The following FHIT variants were observed in gnomAD, a reference collection of about 807,000 sequenced individuals.
FHIT encodes the protein fragile histidine triad diadenosine triphosphatase, also known as bis(5'-adenosyl)-triphosphatase.
In FHIT, 19 loss-of-function variants were observed where a neutral mutation model predicts 17.9. That is an observed-to-expected ratio of 1.06 (90% confidence interval 0.74 to 1.56). FHIT has a LOEUF of 1.56. FHIT is among the 40% of genes most tolerant of loss of function. The pLI is 0.00. For missense variants in FHIT, 248 were observed against 189.2 expected, an observed-to-expected ratio of 1.31 and a Z score of -1.82; for synonymous variants, 81 against 69.7, an observed-to-expected ratio of 1.16 and a Z score of -0.81.
At chr3:60,537,502 T>G in intron 4 of FHIT, 1 of 972,734 alleles carries the variant, frequency 1.0e-6, no homozygotes, top group Non-Finnish European at 1.2e-6. Context: ...AGAGAACTAT[T>G]CTAGTAAAAT....
chr3:59,759,242 G>C (rs1421948348), intron 8 of FHIT, among the ~76,000 whole-genome samples: 1 of 152,050 alleles, frequency 6.6e-6, no homozygotes. Context: ...TGTGGGCAGG[G>C]CTGAGAAGTT....
chr3:60,228,877 C>T (rs934750837), intron 5 of FHIT, among the ~76,000 whole-genome samples: 3 of 152,160 alleles, frequency 2.0e-5, no homozygotes, highest in African/African-American at 7.2e-5. Flanking sequence ...GTAATCCCCA[C>T]AATAGTTCTA....
intron 5 of FHIT, among the ~76,000 whole-genome samples, chr3:60,385,721 A>C (rs1700981089): frequency 6.6e-6 from 1 of 152,112 alleles, no homozygotes; most frequent in South Asian, 2.1e-4. Context: ...CTGGGAATAA[A>C]GGCATGCACC....
At chr3:60,268,552 T>C (rs1318688152) in intron 5 of FHIT, among the ~76,000 whole-genome samples, 1 of 152,200 alleles carries the variant, frequency 6.6e-6, no homozygotes, top group African/African-American at 2.4e-5. Flanking sequence ...AAGGGAAATT[T>C]TGAGACAGAG....
chr3:61,243,015 G>T (rs1477753753), intron 1 of FHIT, among the ~76,000 whole-genome samples: 1 of 152,146 alleles, frequency 6.6e-6, no homozygotes, highest in African/African-American at 2.4e-5. Flanking sequence ...GTTAGTCCTA[G>T]GGGGTTTGGG....
intron 5 of FHIT, among the ~76,000 whole-genome samples, chr3:60,072,503 T>C (rs1332165859): frequency 1.3e-5 from 2 of 152,212 alleles, no homozygotes; most frequent in East Asian, 1.9e-4. Flanking sequence ...TAAGAGCCTG[T>C]GCATGCTTAC....
intron 5 of FHIT, among the ~76,000 whole-genome samples, chr3:60,018,220 C>A (rs936256438): frequency 5.9e-5 from 9 of 152,048 alleles, no homozygotes; most frequent in Non-Finnish European, 1.2e-4. Context: ...GGTGCCAGAC[C>A]CTTTTCAACA....
At chr3:60,787,707 C>T (rs1261154585) in intron 4 of FHIT, among the ~76,000 whole-genome samples, 1 of 152,194 alleles carries the variant, frequency 6.6e-6, no homozygotes, top group African/African-American at 2.4e-5. Flanking sequence ...CGATACTTGC[C>T]ACATTTCTGT....
intron 5 of FHIT, among the ~76,000 whole-genome samples, chr3:60,056,918 C>A (rs371458777): frequency 6.6e-6 from 1 of 152,080 alleles, no homozygotes; most frequent in Non-Finnish European, 1.5e-5. Context: ...ACAGATGGAG[C>A]GGTAATGGTC....
intron 8 of FHIT, among the ~76,000 whole-genome samples, chr3:59,901,073 T>C (rs545931739): frequency 1.9e-4 from 29 of 152,364 alleles, no homozygotes; most frequent in African/African-American, 6.7e-4. Flanking sequence ...TATGCTTTTG[T>C]TTCTGTTCTC....
chr3:60,380,648 C>G (rs890678491), intron 5 of FHIT, among the ~76,000 whole-genome samples: 1 of 152,152 alleles, frequency 6.6e-6, no homozygotes, highest in Admixed American at 6.5e-5. Context: ...TCTCCGTACA[C>G]GTCCAAGTTT....
At chr3:60,926,367 C>A (rs1256391922) in intron 3 of FHIT, among the ~76,000 whole-genome samples, 4 of 152,214 alleles carry the variant, frequency 2.6e-5, no homozygotes, top group African/African-American at 9.6e-5. Context: ...TCTCAGATCA[C>A]AGTGCAATCA....
intron 3 of FHIT, among the ~76,000 whole-genome samples, chr3:61,040,996 C>A (rs769792948): frequency 6.6e-6 from 1 of 152,148 alleles, no homozygotes; most frequent in Admixed American, 6.5e-5. Flanking sequence ...CCTAGGACAT[C>A]CCCTCTCTGC....
intron 5 of FHIT, among the ~76,000 whole-genome samples, chr3:60,119,679 T>C (rs1440255197): frequency 1.3e-5 from 2 of 152,180 alleles, no homozygotes; most frequent in East Asian, 1.9e-4. Flanking sequence ...TGTTGGCATA[T>C]ACTTGCCTCC....
At chr3:61,181,577 T>A (rs2038344052) in intron 2 of FHIT, among the ~76,000 whole-genome samples, 1 of 152,156 alleles carries the variant, frequency 6.6e-6, no homozygotes, top group Admixed American at 6.5e-5. Flanking sequence ...TTCATTTAAT[T>A]CCAGCATCAC....
chr3:60,638,984 T>C (rs1218309010), intron 4 of FHIT, among the ~76,000 whole-genome samples: 6 of 147,266 alleles, frequency 4.1e-5, no homozygotes, highest in African/African-American at 1.5e-4. Flanking sequence ...CTGCAGAAAG[T>C]AATTGTGATA....
intron 5 of FHIT, among the ~76,000 whole-genome samples, chr3:60,502,283 C>G (rs1169404215): frequency 6.6e-6 from 1 of 152,018 alleles, no homozygotes; most frequent in South Asian, 2.1e-4. Context: ...GAAAGCTGGC[C>G]AAAAGTCATT....
At chr3:60,885,559 A>C (rs1390390293) in intron 3 of FHIT, among the ~76,000 whole-genome samples, 6 of 152,158 alleles carry the variant, frequency 3.9e-5, no homozygotes, top group African/African-American at 1.4e-4. Context: ...ATTGTTTAAC[A>C]GTTACTCTTA....
At chr3:60,366,326 T>C (rs1700105570) in intron 5 of FHIT, among the ~76,000 whole-genome samples, 1 of 152,152 alleles carries the variant, frequency 6.6e-6, no homozygotes, top group Non-Finnish European at 1.5e-5. Context: ...GGTTTCACCA[T>C]GTTGGCCAGG....
Sources: gnomAD v4.1 joint callset for allele counts (sites outside exome capture counted in the v4.1 genomes callset) on GRCh38, gnomAD v4.1.1 for gene constraint, MANE v1.5 for transcripts, NCBI Gene and HGNC (gene_info 2026-07-23, HGNC 2026-07-21) for gene names.